Variants in LASP1 observed in about 807,000 individuals in gnomAD.
The protein encoded by LASP1 is LIM and SH3 domain protein 1.
LASP1 carries 10 observed loss-of-function variants against 38.6 expected under a neutral mutation model. The observed-to-expected ratio is 0.26, with a 90% CI of 0.16 to 0.44. LASP1 has a LOEUF of 0.44. LASP1 is among the 20% of genes least tolerant of loss of function. LASP1 has a pLI of 1.00. For missense variants in LASP1, 243 were observed against 375.7 expected, an observed-to-expected ratio of 0.65 and a Z score of 2.92; for synonymous variants, 132 against 140.8, an observed-to-expected ratio of 0.94 and a Z score of 0.44.
In LASP1 at chr17:38,870,087, T is replaced by A. The variant is rs1598100378; in HGVS notation, c.-103T>A. ...GTTCCCCAGCTCCAGCCGCCGTCGC[T>A]GCTGCCTGTGTAGTTGCAGCCGCGG... On this transcript the variant is annotated 5_prime_UTR_variant, in exon 1 of 7. Coordinates refer to ENST00000318008, the MANE Select transcript of LASP1 (RefSeq NM_006148.4). The A allele has an allele frequency of 2.4e-6, 3 of 1,267,020 alleles. No homozygotes were observed. The highest frequency in any genetic ancestry group is 2.4e-5 in the East Asian group (1 of 41,702). The allele number at this position is 1,267,020 out of a possible 1,614,324, so 78.5% of individuals were successfully genotyped here.
At chr17:38,896,263 A>T (rs1395047719) in intron 3 of LASP1, among the ~76,000 whole-genome samples, 1 of 151,478 alleles carries the variant, frequency 6.6e-6, no homozygotes, top group East Asian at 1.9e-4. Flanking sequence ...AAGGTGCTTT[A>T]AAATGGTCAC....
At chr17:38,903,253 G>A (rs117124696) in intron 4 of LASP1, among the ~76,000 whole-genome samples, 1 of 152,142 alleles carries the variant, frequency 6.6e-6, no homozygotes, top group Admixed American at 6.5e-5. Flanking sequence ...GCCAGGCAGG[G>A]CTCTTTGAGC....
At chr17:38,913,013 G>A (rs1245812539) in intron 4 of LASP1, among the ~76,000 whole-genome samples, 3 of 152,184 alleles carry the variant, frequency 2.0e-5, no homozygotes, top group Non-Finnish European at 2.9e-5. Flanking sequence ...TCTGGGCAGA[G>A]TGCAGCTTCC....
intron 2 of LASP1, among the ~76,000 whole-genome samples, chr17:38,878,867 C>T (rs1409788484): frequency 6.6e-6 from 1 of 152,136 alleles, no homozygotes; most frequent in African/African-American, 2.4e-5. Context: ...TATAGTGCAG[C>T]TCTGTTCCTT....
chr17:38,896,078 C>G (rs1037442677), intron 3 of LASP1, among the ~76,000 whole-genome samples: 2 of 73,904 alleles, frequency 2.7e-5, no homozygotes, highest in Non-Finnish European at 4.0e-5. Context: ...GGTGAGCCAT[C>G]CTAGACAACA....
intron 4 of LASP1, among the ~76,000 whole-genome samples, chr17:38,907,613 G>C (rs1488619687): frequency 6.6e-6 from 1 of 152,178 alleles, no homozygotes; most frequent in Non-Finnish European, 1.5e-5. Flanking sequence ...GGTATGAAGA[G>C]CTTGGTCAAG....
chr17:38,887,502 C>T (rs1225979930), intron 2 of LASP1, among the ~76,000 whole-genome samples: 1 of 152,232 alleles, frequency 6.6e-6, no homozygotes, highest in Non-Finnish European at 1.5e-5. Flanking sequence ...CGACCCCAGA[C>T]TTGGCCACGT....
intron 1 of LASP1, among the ~76,000 whole-genome samples, chr17:38,875,438 C>T (rs1475569326): frequency 1.3e-5 from 2 of 152,036 alleles, no homozygotes; most frequent in South Asian, 4.2e-4. Flanking sequence ...TTGGGTTATG[C>T]ACCAGAAGGA....
intron 2 of LASP1, among the ~76,000 whole-genome samples, chr17:38,887,772 C>T (rs774845391): frequency 9.8e-5 from 15 of 152,330 alleles, no homozygotes; most frequent in East Asian, 5.8e-4. Flanking sequence ...TCAAGTTATG[C>T]TCCTTTGATT....
intron 2 of LASP1, among the ~76,000 whole-genome samples, chr17:38,880,185 C>T (rs960684958): frequency 5.9e-5 from 9 of 152,328 alleles, no homozygotes; most frequent in Middle Eastern, 3.4e-3. Context: ...TCTGAGCCTC[C>T]GCCCCAGCAC....
chr17:38,914,228 T>C (rs1915040924), intron 4 of LASP1, 97 bp from the exon 5 acceptor site: 1 of 1,432,530 alleles, frequency 7.0e-7, no homozygotes. Context: ...CCCAAAGCTC[T>C]TGGGTAGTCT....
chr17:38,884,753 T>G (rs1914064381), intron 2 of LASP1, among the ~76,000 whole-genome samples: 1 of 142,940 alleles, frequency 7.0e-6, no homozygotes, highest in Non-Finnish European at 1.5e-5. Flanking sequence ...TGCAGAGGTG[T>G]GATCTCGGCT....
chr17:38,915,624 A>G (rs1000501218), intron 6 of LASP1: 8 of 152,804 alleles, frequency 5.2e-5, no homozygotes, highest in African/African-American at 1.9e-4. Context: ...AACTAAAAAG[A>G]GCTCTTCGTG....
rs569429651 is a variant in LASP1, at chr17:38,880,632, GC to G, written c.164+2453del. ...AGAGACCTGGGGGCTTTGTGACCCA[GC>G]TGTGTTTCACTTTAGCTGTAGTAGC... On this transcript the variant is annotated intron_variant, in intron 2 of 6. Transcript: ENST00000318008. Among the ~76,000 whole-genome samples the G allele has an allele frequency of 2.4e-3, 367 of 152,354 alleles. 1 individual carries two copies. Among genetic ancestry groups the G allele is most frequent in the African/African-American group, 8.5e-3 (355 of 41,586 alleles).
At chr17:38,903,996 T>C (rs1405905276) in intron 4 of LASP1, 2 of 152,262 alleles carry the variant, frequency 1.3e-5, no homozygotes, top group Non-Finnish European at 2.9e-5. Context: ...TTAGTCACTT[T>C]ACTGGAGCCT....
Position 38,914,395 on chromosome 17 carries a change from GTC to G in LASP1, c.429_430del (p.Arg144GlyfsTer68), listed in dbSNP as rs1567705652. The G allele has an allele frequency of 6.2e-7, 1 of 1,612,136 alleles. No individual in the cohort carries two copies. The highest frequency in any genetic ancestry group is 2.2e-5 in the East Asian group (1 of 44,870). ...GGGGGCGAGGGCATGGAGCCAGAGC[GTC>G]GGGATTCACAGGACGGCAGCAGCTA... is the stretch of plus-strand genomic sequence containing the variant. On this transcript the variant is annotated frameshift_variant, in exon 5 of 7. Coordinates refer to ENST00000318008, the MANE Select transcript of LASP1 (RefSeq NM_006148.4). LOFTEE classifies it high-confidence loss of function.
At chr17:38,892,944 C>A (rs942496306) in intron 3 of LASP1, among the ~76,000 whole-genome samples, 2 of 152,096 alleles carry the variant, frequency 1.3e-5, no homozygotes, top group East Asian at 1.9e-4. Flanking sequence ...AGGGCCAGAG[C>A]GTGTCCGTGT....
intron 1 of LASP1, among the ~76,000 whole-genome samples, chr17:38,871,532 G>T (rs1276427978): frequency 6.6e-6 from 1 of 152,064 alleles, no homozygotes; most frequent in East Asian, 1.9e-4. Context: ...TGAAAGAGGG[G>T]TATAGAGCCC....
intron 2 of LASP1, among the ~76,000 whole-genome samples, chr17:38,885,452 C>T (rs931455798): frequency 2.0e-5 from 3 of 152,214 alleles, no homozygotes; most frequent in African/African-American, 7.2e-5. Flanking sequence ...TGTTCCTGCC[C>T]CGCTTCTTCC....
Sources: gnomAD v4.1 joint callset for allele counts (sites outside exome capture counted in the v4.1 genomes callset) on GRCh38, gnomAD v4.1.1 for gene constraint, MANE v1.5 for transcripts, NCBI Gene and HGNC (gene_info 2026-07-23, HGNC 2026-07-21) for gene names.